The following FSTL4 variants were observed in gnomAD, a reference collection of about 807,000 sequenced individuals.
FSTL4 encodes follistatin-related protein 4.
A neutral mutation model predicts 78.2 loss-of-function variants in FSTL4; 28 were observed. The observed-to-expected ratio is 0.36, with a 90% confidence interval of 0.27 to 0.49. FSTL4 has a LOEUF of 0.49. Among genes scored for constraint, FSTL4 ranks in the 20% least tolerant of loss-of-function variants. FSTL4 has a pLI of 0.98. For missense variants in FSTL4, 922 were observed against 1,084.9 expected (o/e 0.85, Z 2.11); for synonymous variants, 422 against 440.5 (o/e 0.96, Z 0.53).
At chr5:133,407,419 T>C (rs1158706598) in intron 3 of FSTL4, among the ~76,000 whole-genome samples, 1 of 152,238 alleles carries the variant, frequency 6.6e-6, no homozygotes, top group East Asian at 1.9e-4. Context: ...ACAGCCTGTA[T>C]GCTGAGGTGC....
chr5:133,768,821 C>T, the FSTL4 span, among the ~76,000 whole-genome samples: 1 of 152,230 alleles, frequency 6.6e-6, no homozygotes. Context: ...TATTAAAAAG[C>T]TTTGAAAAGT....
At chr5:133,692,232 T>G in the FSTL4 span, among the ~76,000 whole-genome samples, 1 of 152,118 alleles carries the variant, frequency 6.6e-6, no homozygotes, top group Non-Finnish European at 1.5e-5. Flanking sequence ...GCAAAGACTC[T>G]GAGGACAGCA....
At chr5:133,610,140 G>A (rs987931451) in intron 1 of FSTL4, among the ~76,000 whole-genome samples, 2 of 151,990 alleles carry the variant, frequency 1.3e-5, no homozygotes, top group Non-Finnish European at 2.9e-5. Flanking sequence ...TTAGTAAAAG[G>A]AAAAAAAGTC....
intron 3 of FSTL4, among the ~76,000 whole-genome samples, chr5:133,471,401 C>T (rs1757824433): frequency 6.6e-6 from 1 of 152,086 alleles, no homozygotes; most frequent in South Asian, 2.1e-4. Context: ...GAAATCTTAA[C>T]CCCCAAGGTG....
intron 3 of FSTL4, among the ~76,000 whole-genome samples, chr5:133,529,906 G>A (rs1281269489): frequency 2.6e-5 from 4 of 151,382 alleles, no homozygotes; most frequent in African/African-American, 9.7e-5. Context: ...TTGGATTTGT[G>A]CAGCAGTCCT....
chr5:133,552,922 T>A (rs565176599), intron 3 of FSTL4, among the ~76,000 whole-genome samples: 3 of 152,290 alleles, frequency 2.0e-5, no homozygotes, highest in Admixed American at 2.0e-4. Flanking sequence ...GATATATGTG[T>A]GCAAGTCTTT....
At chr5:133,590,173 G>A (rs1448136097) in intron 2 of FSTL4, among the ~76,000 whole-genome samples, 1 of 151,806 alleles carries the variant, frequency 6.6e-6, no homozygotes, top group Non-Finnish European at 1.5e-5. Context: ...GAGTGCAGTG[G>A]CATGATCTTC....
intron 4 of FSTL4, among the ~76,000 whole-genome samples, chr5:133,317,473 G>A (rs1012188521): frequency 6.6e-6 from 1 of 152,244 alleles, no homozygotes; most frequent in Non-Finnish European, 1.5e-5. Flanking sequence ...TACTTCCAGC[G>A]CCTGGCTTTG....
intron 4 of FSTL4, among the ~76,000 whole-genome samples, chr5:133,380,602 G>T (rs1755545731): frequency 6.6e-6 from 1 of 151,730 alleles, no homozygotes. Flanking sequence ...ATTTAAATAA[G>T]AATTAATAAC....
chr5:133,761,027 G>A, the FSTL4 span, among the ~76,000 whole-genome samples: 1,051 of 152,302 alleles, frequency 6.9e-3, 10 homozygotes, highest in African/African-American at 0.024. Flanking sequence ...GAGCTAAGCC[G>A]TAATTGATCA....
intron 3 of FSTL4, among the ~76,000 whole-genome samples, chr5:133,430,834 G>C (rs1183970995): frequency 6.6e-6 from 1 of 152,152 alleles, no homozygotes; most frequent in African/African-American, 2.4e-5. Context: ...AACTATACAG[G>C]GGGGTCAGCA....
the FSTL4 span, among the ~76,000 whole-genome samples, chr5:133,689,862 A>G: frequency 6.6e-6 from 1 of 152,252 alleles, no homozygotes; most frequent in African/African-American, 2.4e-5. Flanking sequence ...GGTGTTCGAG[A>G]CCAGCCTGAC....
rs186636724 is a variant in FSTL4 at position 133,598,416 on chromosome 5, C to T, written c.126+5442G>A. On this transcript the variant is annotated intron_variant, in intron 2 of 15. Coordinates refer to ENST00000265342, the MANE Select transcript of FSTL4 (RefSeq NM_015082.2). ...TCTCAAGAGGTGCTGGCACAGGTTACAGCACACCCCATTCTGCAATTGGGA... is the reference window on the plus strand; with the variant it reads ...TCTCAAGAGGTGCTGGCACAGGTTATAGCACACCCCATTCTGCAATTGGGA... Among the ~76,000 whole-genome samples the T allele has an allele frequency of 2.3e-5, 3 of 128,678 alleles. No homozygotes were observed. The East Asian group carries it at 6.6e-4, about 28-fold the overall frequency. 84.4% of individuals were successfully genotyped at this position (128,678 alleles called of 152,430 possible). A position where few individuals can be genotyped will look rare whatever the true frequency, so the allele number is the denominator to read the frequency against.
At chr5:133,495,560 C>G (rs1758352332) in intron 3 of FSTL4, among the ~76,000 whole-genome samples, 1 of 152,182 alleles carries the variant, frequency 6.6e-6, no homozygotes, top group Non-Finnish European at 1.5e-5. Context: ...TAACACACTT[C>G]CACACCTTCT....
At position 133,361,533 on chromosome 5, in the gene FSTL4, G is replaced by A. The variant is rs897032793; in HGVS notation, c.409+39205C>T. 6.6e-6 allele frequency among the ~76,000 whole-genome samples: 1 copy of A among 152,250 alleles called. No individual in the cohort carries two copies. The highest frequency in any genetic ancestry group is 2.4e-5 in the African/African-American group (1 of 41,524). ...CAGACCAGCACATCTTGGCCAAAAC[G>A]CATAGGTATCTCTTTCAGAGTCTTC... On this transcript the variant is annotated intron_variant, in intron 4 of 15. Transcript: ENST00000265342. This position sits in a 1 kb window ranked among gnomAD's most constrained non-coding sequence, Gnocchi z 4.3.
chr5:133,670,018 AC>A, the FSTL4 span, among the ~76,000 whole-genome samples: 1 of 151,584 alleles, frequency 6.6e-6, no homozygotes, highest in Non-Finnish European at 1.5e-5. Flanking sequence ...TTCCCTCAAG[AC>A]CCCTGTGTTT....
intron 4 of FSTL4, among the ~76,000 whole-genome samples, chr5:133,333,460 C>T (rs1754393357): frequency 6.6e-6 from 1 of 152,222 alleles, no homozygotes; most frequent in East Asian, 1.9e-4. Flanking sequence ...ATCTCTATAG[C>T]ACAAGGACCA....
intron 4 of FSTL4, among the ~76,000 whole-genome samples, chr5:133,392,572 G>A (rs1755876321): frequency 6.6e-6 from 1 of 152,186 alleles, no homozygotes; most frequent in Non-Finnish European, 1.5e-5. Flanking sequence ...ACCCTAGAGG[G>A]CAGAATTCAG....
At chr5:133,662,013 A>G in the FSTL4 span, among the ~76,000 whole-genome samples, 7 of 152,260 alleles carry the variant, frequency 4.6e-5, no homozygotes, top group African/African-American at 1.4e-4. Context: ...GAATCCAACC[A>G]TACATATATG....
Sources: allele counts gnomAD v4.1 joint callset (sites outside exome capture counted in the v4.1 genomes callset), GRCh38; gene constraint gnomAD v4.1.1; non-coding constraint Gnocchi (gnomAD v3.1); transcripts MANE v1.5; gene names NCBI Gene and HGNC (gene_info 2026-07-23, HGNC 2026-07-21).